The following HMMR variants were observed in gnomAD, a reference collection of about 807,000 sequenced individuals.
HMMR encodes the protein intracellular hyaluronic acid-binding protein.
Under a neutral mutation model 101.0 loss-of-function variants are expected in HMMR, and 108 were observed. The observed-to-expected ratio is 1.07, with a 90% CI of 0.92 to 1.25. The LOEUF is 1.25. Ranked by LOEUF, HMMR falls within the 50% of genes most tolerant of loss-of-function variation. The pLI, the probability that HMMR is intolerant of heterozygous loss-of-function variation, is 0.00. For missense variants in HMMR, 813 were observed against 788.7 expected (o/e 1.03, Z -0.37); for synonymous variants, 296 against 276.4 (o/e 1.07, Z -0.70).
At chr5:163,478,584 T>G in intron 11 of HMMR, 100 bp from the exon 12 acceptor site, 3 of 733,290 alleles carry the variant, frequency 4.1e-6, no homozygotes, top group South Asian at 3.1e-5. Flanking sequence ...GGTGAAGATA[T>G]GAGCTATATG....
chr5:163,482,983 T>C (rs201847737), intron 13 of HMMR, 37 bp from the exon 14 acceptor site: 2 of 1,535,822 alleles, frequency 1.3e-6, no homozygotes, highest in Non-Finnish European at 1.8e-6. Context: ...AAAGTGGCTA[T>C]AAAATGTTTA....
Position 163,491,728 on chromosome 5 carries a change from T to G in HMMR, c.*564T>G, listed in dbSNP as rs1052224385. 18 of 152,346 alleles carry G rather than the reference T, an allele frequency of 1.2e-4. No individual in the cohort carries two copies. Among genetic ancestry groups the G allele is most frequent in the Admixed American group, 1.1e-3 (17 of 15,304 alleles). 9.4% of individuals were successfully genotyped at this position (152,346 alleles called of 1,614,324 possible). The stretch of plus-strand genomic sequence containing the variant: ...ACAGGTTCTTAGGCTCCATCCTGTT[T>G]GTATGAAATTATAATCTGTGGATTG... On this transcript the variant is annotated 3_prime_UTR_variant, in exon 18 of 18. Transcript: ENST00000393915.
Position 163,473,488 on chromosome 5 carries a change from A to T in HMMR, c.835A>T (p.Asn279Tyr). ...AAGCCTTAAGCAGTCTCTTGAGGAG[A>T]ATATTGTTATATTATCTAAACAAGT... ...ILSLKQSLEE[N>Y]IVILSKQVED... The change falls in exon 9 of 18, where the codon AAT becomes TAT. Residue 279 changes from asparagine to tyrosine, a missense_variant. By Grantham distance (143) the Asn-to-Tyr change is moderately radical. Transcript: ENST00000393915. The T allele has an allele frequency of 1.9e-6, 3 of 1,597,920 alleles. No homozygotes were observed. Among genetic ancestry groups the T allele is most frequent in the Non-Finnish European group, 2.6e-6 (3 of 1,169,274 alleles).
At chr5:163,490,992 T>A in intron 17 of HMMR, 120 bp from the exon 18 acceptor site, 1 of 505,986 alleles carries the variant, frequency 2.0e-6, no homozygotes. Flanking sequence ...AAAAATTATC[T>A]TACAGAATAT....
Position 163,483,150 on chromosome 5 carries a change from CA to C in HMMR, c.1664del (p.Gln555ArgfsTer19). ...LKQQEEDFRK[Q>X]LEDEEGRKAE... ...GCAACAGGAGGAAGACTTTAGAAAA[CA>C]GCTGGAAGATGAAGAAGGAAGGTAA... is the stretch of plus-strand genomic sequence containing the variant. On this transcript the variant is annotated frameshift_variant, in exon 14 of 18. Coordinates refer to ENST00000393915, the MANE Select transcript of HMMR (RefSeq NM_001142556.2). LOFTEE classifies it high-confidence loss of function. The C allele has an allele frequency of 6.2e-7, 1 of 1,611,352 alleles. No homozygotes were observed. The highest frequency in any genetic ancestry group is 8.5e-7 in the Non-Finnish European group (1 of 1,179,258).
intron 3 of HMMR, among the ~76,000 whole-genome samples, chr5:163,466,935 G>A (rs982043398): frequency 6.6e-6 from 1 of 152,106 alleles, no homozygotes; most frequent in Non-Finnish European, 1.5e-5. Flanking sequence ...TGAAGAAACT[G>A]TTCTGTAATT....
At chr5:163,483,526 A>C (rs1032324500) in intron 15 of HMMR, among the ~76,000 whole-genome samples, 159 bp downstream of exon 15, 4 of 152,128 alleles carry the variant, frequency 2.6e-5, no homozygotes, top group Non-Finnish European at 5.9e-5. Context: ...CATTTTATTA[A>C]ATTATGCATA....
At chr5:163,467,073 C>G (rs1006566435) in intron 3 of HMMR, among the ~76,000 whole-genome samples, 3 of 152,210 alleles carry the variant, frequency 2.0e-5, no homozygotes, top group African/African-American at 7.2e-5. Flanking sequence ...CTGATGTCAC[C>G]CCCACCTCCT....
intron 11 of HMMR, 50 bp from the exon 12 acceptor site, chr5:163,478,634 G>A (rs369526301): frequency 3.0e-6 from 3 of 1,008,152 alleles, no homozygotes; most frequent in Non-Finnish European, 4.8e-6. Context: ...TCTTTCTTAG[G>A]GTAGTAATTG....
At chr5:163,486,907 C>T (rs1328818287) in intron 16 of HMMR, among the ~76,000 whole-genome samples, 3 of 152,158 alleles carry the variant, frequency 2.0e-5, no homozygotes, top group Non-Finnish European at 4.4e-5. Context: ...GGTGAAACCT[C>T]GTCTCTACTA....
At chr5:163,480,578 C>T (rs1384768980) in intron 12 of HMMR, among the ~76,000 whole-genome samples, 2 of 152,114 alleles carry the variant, frequency 1.3e-5, no homozygotes, top group Non-Finnish European at 2.9e-5. Context: ...TATGAATGTT[C>T]AACTCTAAAA....
rs1238080526 is a variant in HMMR, at chr5:163,474,195, A to T, written c.1043A>T (p.Gln348Leu). ...QKELQIDSLLQQEKELSSSLH... is the reference protein window; with the variant it reads ...QKELQIDSLLLQEKELSSSLH... ...GAATTACAAATTGATTCACTTCTGC[A>T]ACAAGAGAAAGTAATTTACCACCAT... Residue 348 changes from glutamine (Q) to leucine (L), a missense_variant, in exon 10 of 18, where the codon CAA (glutamine) becomes CTA (leucine). Gln to Leu is a moderately radical substitution (Grantham distance 113, BLOSUM62 -2). Transcript: ENST00000393915. 6.2e-7 allele frequency: 1 copy of T among 1,602,428 alleles called. No homozygotes were observed. The highest frequency in any genetic ancestry group is 2.2e-5 in the East Asian group (1 of 44,662).
At chr5:163,466,127 G>A (rs1581187950) in intron 3 of HMMR, among the ~76,000 whole-genome samples, 1 of 152,094 alleles carries the variant, frequency 6.6e-6, no homozygotes, top group East Asian at 1.9e-4. Flanking sequence ...TTAGCCGTGT[G>A]TGGTGGCACG....
intron 12 of HMMR, among the ~76,000 whole-genome samples, chr5:163,481,375 A>G (rs924928725): frequency 6.6e-6 from 1 of 152,026 alleles, no homozygotes; most frequent in African/African-American, 2.4e-5. Flanking sequence ...AGTTTGAAGA[A>G]TAGTGCTTCA....
At position 163,460,659 on chromosome 5, in the gene HMMR, C is replaced by G; in HGVS notation, c.-34C>G. The G allele has an allele frequency of 6.3e-7, 1 of 1,588,046 alleles. No individual in the cohort carries two copies. The highest frequency in any genetic ancestry group is 8.6e-7 in the Non-Finnish European group (1 of 1,164,700). On this transcript the variant is annotated 5_prime_UTR_variant, in exon 1 of 18. Transcript: ENST00000393915. ...TCCGCATTCAGTTGTCGAGGAGTGC[C>G]AGTCACCTTCAGTTTCTGGAGCTGG...
chr5:163,484,343 AAATAACTGTTTAT>A (rs1391733849), intron 16 of HMMR, 98 bp downstream of exon 16: 2 of 644,968 alleles, frequency 3.1e-6, no homozygotes, highest in East Asian at 6.2e-5. Flanking sequence ...TATCAGAAAA[AAATAACTGTTTAT>A]AGAGGAAAAT....
rs762934003 is a variant in HMMR at position 163,482,668 on chromosome 5, T to C, written c.1412T>C (p.Ile471Thr). 2.5e-5 allele frequency: 40 copies of C among 1,612,246 alleles called. No individual in the cohort carries two copies. The Admixed American group carries it at 6.2e-4, about 25-fold the overall frequency. ...ESYKALTASE[I>T]EDLKLENSSL... ...TATAAAGCGTTAACAGCCAGTGAGA[T>C]AGAAGATCTTAAGCTGGAGAACTCA... The change falls in exon 13 of 18, where the codon ATA becomes ACA. Residue 471 changes from isoleucine to threonine, a missense_variant. Coordinates refer to ENST00000393915, the MANE Select transcript of HMMR (RefSeq NM_001142556.2).
At chr5:163,467,459 C>A (rs1758739065) in intron 3 of HMMR, among the ~76,000 whole-genome samples, 1 of 152,186 alleles carries the variant, frequency 6.6e-6, no homozygotes, top group Non-Finnish European at 1.5e-5. Flanking sequence ...GTTCTTTTCA[C>A]TGGGCTGATT....
At chr5:163,482,809 C>T (rs1327209077) in intron 13 of HMMR, 21 bp downstream of exon 13, 21 of 1,597,916 alleles carry the variant, frequency 1.3e-5, no homozygotes, top group Non-Finnish European at 1.8e-5. Context: ...CAAATAATGG[C>T]CTTAGAACCA....
Sources: allele counts gnomAD v4.1 joint callset (sites outside exome capture counted in the v4.1 genomes callset), GRCh38; gene constraint gnomAD v4.1.1; transcripts MANE v1.5; gene names NCBI Gene and HGNC (gene_info 2026-07-23, HGNC 2026-07-21).